ST3GAL1: variants seen among roughly 807,000 people sequenced by gnomAD.
The protein encoded by ST3GAL1 is ST3 beta-galactoside alpha-2,3-sialyltransferase 1, also known as CMP-N-acetylneuraminate-beta-galactosamide-alpha-2,3-sialyltransferase 1.
ST3GAL1 carries 16 observed loss-of-function variants against 34.1 expected under a neutral mutation model. The observed-to-expected ratio is 0.47, with a 90% confidence interval of 0.32 to 0.71. ST3GAL1 has a LOEUF of 0.71. ST3GAL1 is among the 30% of genes least tolerant of loss of function. The pLI, the probability that ST3GAL1 is intolerant of heterozygous loss-of-function variation, is 0.04. For synonymous variants in ST3GAL1, 191 were observed against 184.7 expected (o/e 1.03, Z -0.28); for missense variants, 353 against 447.4 (o/e 0.79, Z 1.90).
At chr8:133,551,192 C>A (rs986677427) in intron 1 of ST3GAL1, among the ~76,000 whole-genome samples, 5 of 152,080 alleles carry the variant, frequency 3.3e-5, no homozygotes, top group Non-Finnish European at 5.9e-5. Context: ...AGAAAAACAG[C>A]CTTTTGGTGA....
chr8:133,471,760 C>T (rs185512006), intron 5 of ST3GAL1, among the ~76,000 whole-genome samples: 1 of 152,144 alleles, frequency 6.6e-6, no homozygotes, highest in East Asian at 1.9e-4. Flanking sequence ...ACCTGGAAAG[C>T]TGGGCCCAGG....
rs561076160 is a variant in ST3GAL1 at position 133,556,191 on chromosome 8, C to T, written c.-581-10265G>A. On this transcript the variant is annotated intron_variant, in intron 1 of 9. Coordinates refer to ENST00000522652, the MANE Select transcript of ST3GAL1 (RefSeq NM_173344.3). This position sits in a 1 kb window ranked among gnomAD's most constrained non-coding sequence, Gnocchi z 8.9. ...GATTGCAGGCATGAGCCACCATGCC[C>T]AGCTTGTTTTTTCTTTTTGAATCTC... Among the ~76,000 whole-genome samples, 77 of 152,184 alleles carry T rather than the reference C, an allele frequency of 5.1e-4. No individual in the cohort carries two copies. The highest frequency in any genetic ancestry group is 6.8e-3 in the Middle Eastern group (2 of 294).
At chr8:133,485,170 C>A (rs1816538996) in intron 3 of ST3GAL1, among the ~76,000 whole-genome samples, 2 of 152,318 alleles carry the variant, frequency 1.3e-5, no homozygotes, top group Non-Finnish European at 2.9e-5. Flanking sequence ...CTTCCCCTAA[C>A]TGCAGGGGCT....
At chr8:133,547,665 T>C (rs945011811) in intron 1 of ST3GAL1, among the ~76,000 whole-genome samples, 2 of 152,196 alleles carry the variant, frequency 1.3e-5, no homozygotes, top group African/African-American at 4.8e-5. Flanking sequence ...TAACACAAAC[T>C]GTGCAGACCA....
At chr8:133,465,650 G>A in intron 6 of ST3GAL1, 1 of 405,300 alleles carries the variant, frequency 2.5e-6, no homozygotes, top group Non-Finnish European at 4.3e-6. Flanking sequence ...CCAACAACGG[G>A]GGACCTCCCG....
chr8:133,533,978 G>A (rs181151347), intron 2 of ST3GAL1, among the ~76,000 whole-genome samples: 37 of 152,106 alleles, frequency 2.4e-4, no homozygotes, highest in African/African-American at 7.7e-4. Flanking sequence ...CAACCATATA[G>A]CATAATTGTT....
rs984965984 is a variant in ST3GAL1, at chr8:133,456,706, G to A, written c.*3058C>T. On this transcript the variant is annotated 3_prime_UTR_variant, in exon 10 of 10. Coordinates refer to ENST00000522652, the MANE Select transcript of ST3GAL1 (RefSeq NM_173344.3). ...CAATGAGCTATCTGCTGGGCTGTGGGAAAGAGAAATGCAGTCTCCTGCACG... is the reference window on the plus strand; with the variant it reads ...CAATGAGCTATCTGCTGGGCTGTGGAAAAGAGAAATGCAGTCTCCTGCACG... 5 of 152,288 alleles carry A rather than the reference G, an allele frequency of 3.3e-5. No individual in the cohort carries two copies. Among genetic ancestry groups the A allele is most frequent in the African/African-American group, 4.8e-5 (2 of 41,464 alleles). 9.4% of individuals were successfully genotyped at this position (152,288 alleles called of 1,614,324 possible).
chr8:133,564,393 A>G (rs1198671004), intron 1 of ST3GAL1, among the ~76,000 whole-genome samples: 1 of 152,080 alleles, frequency 6.6e-6, no homozygotes, highest in Non-Finnish European at 1.5e-5. Context: ...CTCACTGGAA[A>G]ACCTATTCTG....
At chr8:133,484,551 G>A (rs948969207) in intron 3 of ST3GAL1, among the ~76,000 whole-genome samples, 17 of 152,208 alleles carry the variant, frequency 1.1e-4, no homozygotes, top group African/African-American at 2.9e-4. Context: ...CTCGGCATGG[G>A]TCCCCAGGAA....
intron 1 of ST3GAL1, among the ~76,000 whole-genome samples, chr8:133,555,981 C>T (rs199877898): frequency 6.6e-6 from 1 of 152,180 alleles, no homozygotes; most frequent in African/African-American, 2.4e-5. Context: ...GCAACCTCCG[C>T]CTCCCAAGTT....
chr8:133,559,571 G>A (rs773344653), intron 1 of ST3GAL1, among the ~76,000 whole-genome samples: 5 of 152,062 alleles, frequency 3.3e-5, no homozygotes, highest in African/African-American at 9.7e-5. Flanking sequence ...ATTCCTATTC[G>A]TGGCAGCTAA....
chr8:133,466,101 A>G lies in ST3GAL1; in HGVS notation c.307-11T>C. The stretch of plus-strand genomic sequence containing the variant: ...CTCCCGCTGGAGCCTCTGTGGGCGG[A>G]GGACAGAAGGTGGTCAACCTGGCTT... On this transcript the variant is annotated splice_polypyrimidine_tract_variant and intron_variant, in intron 5 of 9. Coordinates refer to ENST00000522652, the MANE Select transcript of ST3GAL1 (RefSeq NM_173344.3). This position sits in a 1 kb window ranked among gnomAD's most constrained non-coding sequence, Gnocchi z 4.4. 1 of 1,601,556 alleles carries G rather than the reference A, an allele frequency of 6.2e-7. No individual in the cohort carries two copies. The highest frequency in any genetic ancestry group is 8.5e-7 in the Non-Finnish European group (1 of 1,171,384).
In ST3GAL1 at chr8:133,475,702, C is replaced by A; in HGVS notation, c.306+17G>T. 1 of 1,568,326 alleles carries A rather than the reference C, an allele frequency of 6.4e-7. No homozygotes were observed. The highest frequency in any genetic ancestry group is 1.2e-5 in the South Asian group (1 of 83,478). On this transcript the variant is annotated intron_variant, in intron 5 of 9. Coordinates refer to ENST00000522652, the MANE Select transcript of ST3GAL1 (RefSeq NM_173344.3). The stretch of plus-strand genomic sequence containing the variant: ...CCCAACTCTCAGCCCAGACCCCGCT[C>A]TCAGGCAGCATCTCACCAGCCACCA...
intron 2 of ST3GAL1, among the ~76,000 whole-genome samples, chr8:133,504,360 T>C (rs1389411943): frequency 6.6e-6 from 1 of 152,222 alleles, no homozygotes; most frequent in African/African-American, 2.4e-5. Flanking sequence ...AATGTCAAGT[T>C]TCTCTGCTCT....
chr8:133,540,958 T>TATATATAGAC lies in ST3GAL1; in HGVS notation c.-429+4806_-429+4815dup, dbSNP rs1818485093. ...ACATATATAGACATATATATAGACATATATATAGACATATATATGCAGACA... is the reference window on the plus strand; with the variant it reads ...ACATATATAGACATATATATAGACATATATATAGACATATATAGACATATATATGCAGACA... On this transcript the variant is annotated intron_variant, in intron 2 of 9. Coordinates refer to ENST00000522652, the MANE Select transcript of ST3GAL1 (RefSeq NM_173344.3). Among the ~76,000 whole-genome samples the TATATATAGAC allele has an allele frequency of 3.9e-4, 28 of 71,590 alleles. 2 individuals are homozygous for TATATATAGAC. Among genetic ancestry groups the TATATATAGAC allele is most frequent in the African/African-American group, 1.6e-3 (28 of 17,778 alleles). The allele number at this position is 71,590 out of a possible 152,430, so 47.0% of individuals were successfully genotyped here.
At position 133,464,974 on chromosome 8, in the gene ST3GAL1, GA is replaced by G. The variant is rs766234098; in HGVS notation, c.504-18del. On this transcript the variant is annotated intron_variant, in intron 6 of 9. Transcript: ENST00000522652. ...TTGTTCATCCTGGGAGAGAAGGGGA[GA>G]AAGCTGAGTCTTGTAGCACGGGCAC... 1.1e-5 allele frequency: 17 copies of G among 1,607,998 alleles called. No individual in the cohort carries two copies. Among genetic ancestry groups the G allele is most frequent in the Non-Finnish European group, 1.4e-5 (16 of 1,176,158 alleles).
chr8:133,512,340 C>G (rs748795702), intron 2 of ST3GAL1, among the ~76,000 whole-genome samples: 1 of 152,134 alleles, frequency 6.6e-6, no homozygotes. Context: ...AGATGGAGGC[C>G]GGAAGACTCA....
intron 3 of ST3GAL1, among the ~76,000 whole-genome samples, chr8:133,486,974 C>T (rs1238989508): frequency 1.3e-5 from 2 of 152,224 alleles, no homozygotes; most frequent in African/African-American, 2.4e-5. Context: ...GACGGAGTCT[C>T]GCTCTGTTGC....
chr8:133,488,892 G>A (rs1403540390), intron 3 of ST3GAL1, among the ~76,000 whole-genome samples: 1 of 152,132 alleles, frequency 6.6e-6, no homozygotes, highest in Non-Finnish European at 1.5e-5. Flanking sequence ...AAGGTCTGGT[G>A]GCCCCCCTAA....
Sources: gnomAD v4.1 joint callset for allele counts (sites outside exome capture counted in the v4.1 genomes callset) on GRCh38, gnomAD v4.1.1 for gene constraint, Gnocchi (gnomAD v3.1) non-coding constraint, MANE v1.5 for transcripts, NCBI Gene and HGNC (gene_info 2026-07-23, HGNC 2026-07-21) for gene names.